GMPS: variants seen among roughly 807,000 people sequenced by gnomAD.
GMPS encodes GMP synthase [glutamine-hydrolyzing].
Under a neutral mutation model 77.9 loss-of-function variants are expected in GMPS, and 15 were observed. The observed-to-expected ratio is 0.19, with a 90% CI of 0.13 to 0.30. GMPS has a LOEUF of 0.30. GMPS is among the 10% of genes least tolerant of loss of function. GMPS has a pLI of 1.00. For missense variants in GMPS, 590 were observed against 838.8 expected (o/e 0.70, Z 3.66); for synonymous variants, 224 against 275.9 (o/e 0.81, Z 1.86).
intron 1 of GMPS, among the ~76,000 whole-genome samples, chr3:155,872,245 CG>C (rs965963560): frequency 1.3e-5 from 2 of 152,134 alleles, no homozygotes. Flanking sequence ...AAGTATTTGT[CG>C]AACAATGAGT....
At position 155,943,693 on chromosome 3, in the gene GMPS, T is replaced by A. The variant is rs1409484551; in HGVS notation, c.*6001T>A. On this transcript the variant is annotated 3_prime_UTR_variant, in exon 16 of 16. Coordinates refer to ENST00000496455, the MANE Select transcript of GMPS (RefSeq NM_003875.3). ...CTAAATGTGAAATGACTTTAATCCC[T>A]TTTGTCTTCAATATACTTCATAAAG... 1 of 171,744 alleles carries A rather than the reference T, an allele frequency of 5.8e-6. No homozygotes were observed. Among genetic ancestry groups the A allele is most frequent in the Admixed American group, 6.4e-5 (1 of 15,706 alleles). 10.6% of individuals were successfully genotyped at this position (171,744 alleles called of 1,614,324 possible). A position where few individuals can be genotyped will look rare whatever the true frequency, so the allele number is the denominator to read the frequency against.
intron 1 of GMPS, among the ~76,000 whole-genome samples, chr3:155,874,082 A>G (rs986743043): frequency 2.6e-5 from 4 of 152,150 alleles, no homozygotes; most frequent in Non-Finnish European, 4.4e-5. Flanking sequence ...TGTCATTCTT[A>G]TGCCTTTGCA....
chr3:155,916,916 G>C (rs920834130), intron 9 of GMPS, among the ~76,000 whole-genome samples: 1 of 151,460 alleles, frequency 6.6e-6, no homozygotes, highest in Non-Finnish European at 1.5e-5. Context: ...ACCAAGACTT[G>C]TTGTTATCTC....
intron 1 of GMPS, among the ~76,000 whole-genome samples, chr3:155,892,216 C>T (rs1754488532): frequency 6.6e-6 from 1 of 152,146 alleles, no homozygotes; most frequent in South Asian, 2.1e-4. Context: ...CCATACTCTT[C>T]CTTTTTTATA....
At chr3:155,886,568 C>CA (rs371278045) in intron 1 of GMPS, among the ~76,000 whole-genome samples, 709 of 43,890 alleles carry the variant, frequency 0.016, 16 homozygotes, top group Admixed American at 0.069. Context: ...GAGTCCATCT[C>CA]AAAAAAAAAA....
intron 5 of GMPS, among the ~76,000 whole-genome samples, chr3:155,907,119 T>C (rs2108096100): frequency 6.6e-6 from 1 of 152,348 alleles, no homozygotes; most frequent in Non-Finnish European, 1.5e-5. Flanking sequence ...TAGCATAATG[T>C]ATGCTAATAT....
chr3:155,928,073 C>T (rs1256163782), intron 12 of GMPS, among the ~76,000 whole-genome samples: 2 of 122,040 alleles, frequency 1.6e-5, no homozygotes, highest in Non-Finnish European at 3.2e-5. Context: ...GTCACCCAGG[C>T]TGGAGCACAG....
Position 155,870,810 on chromosome 3 carries a change from G to C in GMPS, c.-61G>C. 2.5e-6 allele frequency: 3 copies of C among 1,194,988 alleles called. No homozygotes were observed. Among genetic ancestry groups the C allele is most frequent in the Non-Finnish European group, 3.5e-6 (3 of 851,550 alleles). 74.0% of individuals were successfully genotyped at this position (1,194,988 alleles called of 1,614,324 possible). A position where few individuals can be genotyped will look rare whatever the true frequency, so the allele number is the denominator to read the frequency against. On this transcript the variant is annotated 5_prime_UTR_variant, in exon 1 of 16. Coordinates refer to ENST00000496455, the MANE Select transcript of GMPS (RefSeq NM_003875.3). ...TCAGCCCGCGGCGCCGACCCTTCCG[G>C]CACCCTCCCGCCCCGTCTCGTACTG...
intron 5 of GMPS, among the ~76,000 whole-genome samples, chr3:155,907,521 C>T (rs1754924380): frequency 1.3e-5 from 2 of 151,986 alleles, no homozygotes; most frequent in Admixed American, 6.6e-5. Context: ...CCTAAGAGAT[C>T]ATGACTGCGG....
intron 1 of GMPS, among the ~76,000 whole-genome samples, chr3:155,881,725 A>G (rs909667323): frequency 2.6e-5 from 4 of 152,132 alleles, no homozygotes; most frequent in African/African-American, 9.7e-5. Context: ...TACACTCATG[A>G]TGTTCTCATG....
At chr3:155,915,058 A>G (rs1037580813) in intron 8 of GMPS, among the ~76,000 whole-genome samples, 9 of 152,064 alleles carry the variant, frequency 5.9e-5, no homozygotes, top group Admixed American at 1.3e-4. Context: ...GTGAGCCACT[A>G]TGCCCAGCCA....
At chr3:155,925,140 A>G (rs1755419887) in intron 11 of GMPS, 101 bp from the exon 12 acceptor site, 1 of 1,023,930 alleles carries the variant, frequency 9.8e-7, no homozygotes, top group Non-Finnish European at 1.4e-6. Context: ...AATACAATCC[A>G]CTGCTAAAAA....
intron 1 of GMPS, among the ~76,000 whole-genome samples, chr3:155,874,283 C>T (rs1009744235): frequency 5.3e-5 from 8 of 152,120 alleles, no homozygotes; most frequent in African/African-American, 1.9e-4. Context: ...GGTACCTGTC[C>T]TATCATTGAG....
rs962534040 is a variant in GMPS at position 155,941,587 on chromosome 3, T to A, written c.*3895T>A. On this transcript the variant is annotated 3_prime_UTR_variant, in exon 16 of 16. Transcript: ENST00000496455. ...TTCCCACACTACTCCCCTCCAGAAA[T>A]CTCATTGATATGTGGCGAGGACACG... 1 of 221,054 alleles carries A rather than the reference T, an allele frequency of 4.5e-6. No homozygotes were observed. The highest frequency in any genetic ancestry group is 9.1e-6 in the Non-Finnish European group (1 of 110,398). The allele number at this position is 221,054 out of a possible 1,614,324, so 13.7% of individuals were successfully genotyped here.
rs963574203 is a variant in GMPS, at chr3:155,941,291, C to G, written c.*3599C>G. On this transcript the variant is annotated 3_prime_UTR_variant, in exon 16 of 16. Coordinates refer to ENST00000496455, the MANE Select transcript of GMPS (RefSeq NM_003875.3). Reference sequence around the variant, plus strand: ...CGGTGGCGGGTGCCTGTAGTCCCAGCTACTCGGGAGGCTGAGGCAGGAGAA... The same window carrying G: ...CGGTGGCGGGTGCCTGTAGTCCCAGGTACTCGGGAGGCTGAGGCAGGAGAA... 5.7e-6 allele frequency: 1 copy of G among 176,860 alleles called. No individual in the cohort carries two copies. Among genetic ancestry groups the G allele is most frequent in the Non-Finnish European group, 1.2e-5 (1 of 82,406 alleles). The allele number at this position is 176,860 out of a possible 1,614,324, so 11.0% of individuals were successfully genotyped here. A position where few individuals can be genotyped will look rare whatever the true frequency, so the allele number is the denominator to read the frequency against.
chr3:155,918,420 C>T (rs1755237705), intron 9 of GMPS, among the ~76,000 whole-genome samples: 1 of 152,198 alleles, frequency 6.6e-6, no homozygotes, highest in Admixed American at 6.5e-5. Flanking sequence ...CCACTGCACT[C>T]CCGCCTGAGC....
At chr3:155,892,602 C>G (rs1322174064) in intron 1 of GMPS, among the ~76,000 whole-genome samples, 1 of 152,160 alleles carries the variant, frequency 6.6e-6, no homozygotes, top group Non-Finnish European at 1.5e-5. Context: ...CCATGTATAC[C>G]TGACAGCAAT....
At chr3:155,893,980 C>A (rs1225683996) in intron 2 of GMPS, among the ~76,000 whole-genome samples, 1 of 152,134 alleles carries the variant, frequency 6.6e-6, no homozygotes, top group Non-Finnish European at 1.5e-5. Flanking sequence ...TGTGGCCATT[C>A]ATTCATTTAC....
chr3:155,926,151 A>G (rs1176973146), intron 12 of GMPS, among the ~76,000 whole-genome samples: 1 of 152,026 alleles, frequency 6.6e-6, no homozygotes, highest in Non-Finnish European at 1.5e-5. Context: ...AGCTGGGACT[A>G]CAGGCAAGCA....
Sources: allele counts gnomAD v4.1 joint callset (sites outside exome capture counted in the v4.1 genomes callset), GRCh38; gene constraint gnomAD v4.1.1; transcripts MANE v1.5; gene names NCBI Gene and HGNC (gene_info 2026-07-23, HGNC 2026-07-21).